Variants in HEATR5A observed in about 807,000 individuals in gnomAD.
The protein encoded by HEATR5A is HEAT repeat containing 5A, also known as HEAT repeat-containing protein 5A.
Under a neutral mutation model 218.8 loss-of-function variants are expected in HEATR5A, and 178 were observed. The ratio of observed to expected loss-of-function variants is 0.81; its 90% CI spans 0.72 to 0.92. The LOEUF (loss-of-function observed/expected upper bound fraction) is 0.92. Among genes scored for constraint, HEATR5A ranks in the 40% least tolerant of loss-of-function variants. The pLI, the probability that HEATR5A is intolerant of heterozygous loss-of-function variation, is 0.00. For missense variants in HEATR5A, 2,420 were observed against 2,418.9 expected, an observed-to-expected ratio of 1.00 and a Z score of -0.01; for synonymous variants, 864 against 871.6, an observed-to-expected ratio of 0.99 and a Z score of 0.15.
chr14:31,377,113 G>A (rs1442504386), intron 11 of HEATR5A, among the ~76,000 whole-genome samples: 1 of 137,748 alleles, frequency 7.3e-6, no homozygotes, highest in African/African-American at 2.7e-5. Flanking sequence ...AACATGGTGA[G>A]ACCCTGTCTC....
intron 29 of HEATR5A, among the ~76,000 whole-genome samples, chr14:31,308,505 C>CT (rs1323829995): frequency 3.5e-5 from 2 of 56,628 alleles, no homozygotes; most frequent in African/African-American, 5.8e-5. Context: ...AAAACTCTGT[C>CT]TAAAAAAAAA....
chr14:31,405,304 T>C (rs1200216689), intron 1 of HEATR5A, among the ~76,000 whole-genome samples: 4 of 151,990 alleles, frequency 2.6e-5, no homozygotes, highest in Non-Finnish European at 5.9e-5. Flanking sequence ...CATGGTGGTG[T>C]GCACCTGCGG....
In HEATR5A at chr14:31,302,479, G is replaced by A; in HGVS notation, c.5280C>T (p.Ile1760=). 9 of 1,590,064 alleles carry A rather than the reference G, an allele frequency of 5.7e-6. No homozygotes were observed. Among genetic ancestry groups the A allele is most frequent in the Non-Finnish European group, 7.7e-6 (9 of 1,167,050 alleles). The part of the protein sequence containing the change: ...SILPTILYLT[I]GVLRETAVKL... The stretch of plus-strand genomic sequence containing the variant: ...TCACAGCAGTCTCTCTGAGGACCCC[G>A]ATTGTGAGGTACAATATAGTAGGGA... The change falls in exon 33 of 36, where the codon ATC becomes ATT. Residue 1760 remains isoleucine (I), a synonymous_variant. Transcript: ENST00000543095.
At chr14:31,383,818 C>T (rs958677808) in intron 9 of HEATR5A, 47 bp from the exon 10 acceptor site, 1 of 1,518,002 alleles carries the variant, frequency 6.6e-7, no homozygotes, top group South Asian at 1.2e-5. Context: ...ATAAAACTCA[C>T]CTGACCATAA....
intron 11 of HEATR5A, among the ~76,000 whole-genome samples, chr14:31,378,581 A>G (rs77658522): frequency 0.083 from 12,678 of 152,160 alleles, 596 homozygotes; most frequent in East Asian, 0.16. Flanking sequence ...AAGTCAGCAC[A>G]TCGAGGCCAT....
intron 8 of HEATR5A, 94 bp from the exon 9 acceptor site, chr14:31,386,669 T>C: frequency 1.9e-6 from 2 of 1,033,280 alleles, no homozygotes; most frequent in Non-Finnish European, 2.8e-6. Context: ...GGCAAAAATT[T>C]ACACATACAC....
At chr14:31,345,312 A>G in intron 19 of HEATR5A, 36 bp from the exon 20 acceptor site, 1 of 1,428,426 alleles carries the variant, frequency 7.0e-7, no homozygotes, top group Non-Finnish European at 9.6e-7. Context: ...AAAACATTAC[A>G]GCAGCATTAA....
chr14:31,419,630 G>C (rs112196229), intron 1 of HEATR5A, among the ~76,000 whole-genome samples: 230 of 152,258 alleles, frequency 1.5e-3, no homozygotes, highest in African/African-American at 5.3e-3. Flanking sequence ...AAAAACAATG[G>C]ATAACTATGA....
intron 23 of HEATR5A, among the ~76,000 whole-genome samples, chr14:31,325,703 A>G (rs776471058): frequency 1.1e-4 from 17 of 151,816 alleles, no homozygotes; most frequent in Admixed American, 2.6e-4. Flanking sequence ...TTTTGTAGAG[A>G]TGGTGTTTTG....
At chr14:31,389,040 A>G (rs1471744037) in intron 6 of HEATR5A, 35 bp from the exon 7 acceptor site, 2 of 1,526,644 alleles carry the variant, frequency 1.3e-6, no homozygotes, top group Middle Eastern at 1.7e-4. Flanking sequence ...TTCATATTTT[A>G]CAGACTAAAT....
chr14:31,370,520 T>G (rs922851482), intron 13 of HEATR5A, among the ~76,000 whole-genome samples: 2 of 152,196 alleles, frequency 1.3e-5, no homozygotes, highest in African/African-American at 4.8e-5. Context: ...AGAAGAACAC[T>G]GAAAAATAAT....
intron 16 of HEATR5A, among the ~76,000 whole-genome samples, chr14:31,356,426 G>A (rs193157254): frequency 9.7e-4 from 147 of 152,172 alleles, no homozygotes; most frequent in Middle Eastern, 3.4e-3. Context: ...TGTAGAGAAG[G>A]AGTTTTGCAT....
intron 21 of HEATR5A, chr14:31,340,492 T>G: frequency 7.8e-7 from 1 of 1,286,858 alleles, no homozygotes; most frequent in Non-Finnish European, 1.0e-6. Flanking sequence ...CAAAAACAAA[T>G]GACACACCAG....
intron 14 of HEATR5A, among the ~76,000 whole-genome samples, chr14:31,363,461 T>C (rs1901695988): frequency 6.6e-6 from 1 of 152,076 alleles, no homozygotes; most frequent in Non-Finnish European, 1.5e-5. Context: ...AGTCTCTAAA[T>C]AGGTTACTTA....
intron 9 of HEATR5A, 127 bp from the exon 10 acceptor site, chr14:31,383,898 A>G: frequency 1.5e-6 from 1 of 662,980 alleles, no homozygotes; most frequent in East Asian, 2.9e-5. Flanking sequence ...TTATAATAGA[A>G]AAATACATAA....
chr14:31,389,631 G>A (rs1328915223), intron 6 of HEATR5A, among the ~76,000 whole-genome samples: 1 of 152,034 alleles, frequency 6.6e-6, no homozygotes, highest in Non-Finnish European at 1.5e-5. Flanking sequence ...GTTTCTCCCT[G>A]TGACTAGATA....
chr14:31,384,738 G>C (rs887535775), intron 9 of HEATR5A, among the ~76,000 whole-genome samples: 5 of 151,932 alleles, frequency 3.3e-5, no homozygotes, highest in Non-Finnish European at 7.4e-5. Flanking sequence ...TGTTGGCCAG[G>C]TTGGTCTTGA....
Position 31,343,113 on chromosome 14 carries a change from C to T in HEATR5A, c.3228+783G>A, listed in dbSNP as rs183466751. Among the ~76,000 whole-genome samples the T allele has an allele frequency of 4.1e-3, 598 of 146,978 alleles. 4 individuals carry two copies. Among genetic ancestry groups the T allele is most frequent in the African/African-American group, 0.014 (574 of 39,788 alleles). On this transcript the variant is annotated intron_variant, in intron 21 of 35. Transcript: ENST00000543095. ...CTTTTTTTTTTTTTTTTTCCTGAGACGGAGTTTCACTCTTGTTGCCCAGGC... is the reference window on the plus strand; with the variant it reads ...CTTTTTTTTTTTTTTTTTCCTGAGATGGAGTTTCACTCTTGTTGCCCAGGC...
chr14:31,345,864 T>A (rs1901001713), intron 19 of HEATR5A, among the ~76,000 whole-genome samples: 1 of 152,088 alleles, frequency 6.6e-6, no homozygotes, highest in Non-Finnish European at 1.5e-5. Context: ...ATGTACTGTT[T>A]GTACATAGAT....
Sources: allele counts gnomAD v4.1 joint callset (sites outside exome capture counted in the v4.1 genomes callset), GRCh38; gene constraint gnomAD v4.1.1; transcripts MANE v1.5; gene names NCBI Gene and HGNC (gene_info 2026-07-23, HGNC 2026-07-21).